The following MTSS1 variants were observed in gnomAD, a reference collection of about 807,000 sequenced individuals.
MTSS1 encodes the protein MTSS I-BAR domain containing 1.
MTSS1 carries 18 observed loss-of-function variants against 79.0 expected under a neutral mutation model. That is an observed-to-expected ratio of 0.23 (90% CI 0.16 to 0.34). The LOEUF is 0.34. Among genes scored for constraint, MTSS1 ranks in the 10% least tolerant of loss-of-function variants. MTSS1 has a pLI of 1.00. For synonymous variants in MTSS1, 341 were observed against 368.6 expected (o/e 0.93, Z 0.86); for missense variants, 815 against 986.2 (o/e 0.83, Z 2.33).
Position 124,703,288 on chromosome 8 carries a change from T to TTTA in MTSS1, c.134+839_134+841dup, listed in dbSNP as rs1165043627. 2.0e-5 allele frequency among the ~76,000 whole-genome samples: 3 copies of TTTA among 152,262 alleles called. No individual in the cohort carries two copies. In the East Asian group the frequency reaches 5.8e-4, roughly 29 times the overall value. Reference sequence around the variant, plus strand: ...TAGTCAACACAAGGTTTTATTTTATTTTATTATTATTATTTTCTTTTGAGG... The same window carrying TTTA: ...TAGTCAACACAAGGTTTTATTTTATTTTATTATTATTATTATTTTCTTTTGAGG... On this transcript the variant is annotated intron_variant, in intron 2 of 13. Transcript: ENST00000518547.
chr8:124,722,813 G>A (rs546491326), intron 1 of MTSS1, among the ~76,000 whole-genome samples: 1 of 152,130 alleles, frequency 6.6e-6, no homozygotes, highest in Non-Finnish European at 1.5e-5. Context: ...GGTTTTTGGG[G>A]TAAGTGTCCT....
At chr8:124,593,487 G>A (rs1404418547) in intron 3 of MTSS1, among the ~76,000 whole-genome samples, 3 of 152,308 alleles carry the variant, frequency 2.0e-5, no homozygotes, top group South Asian at 2.1e-4. Context: ...TGTTCACAGC[G>A]TCAAAAGACT....
chr8:124,663,285 G>A (rs537376316), intron 3 of MTSS1, among the ~76,000 whole-genome samples: 26 of 152,156 alleles, frequency 1.7e-4, no homozygotes, highest in African/African-American at 6.0e-4. Context: ...AGACACACAC[G>A]TCCACAGCCT....
chr8:124,715,515 C>T (rs1831808310), intron 1 of MTSS1, among the ~76,000 whole-genome samples: 1 of 152,104 alleles, frequency 6.6e-6, no homozygotes, highest in Non-Finnish European at 1.5e-5. Flanking sequence ...GCTTAGTGTG[C>T]TCTGCCATCT....
chr8:124,638,703 C>T (rs1466290180), intron 3 of MTSS1, among the ~76,000 whole-genome samples: 2 of 152,184 alleles, frequency 1.3e-5, no homozygotes, highest in African/African-American at 4.8e-5. Flanking sequence ...CATTTAATAA[C>T]CTAGGGGTCT....
intron 3 of MTSS1, among the ~76,000 whole-genome samples, chr8:124,672,166 T>C (rs1824340937): frequency 6.6e-6 from 1 of 152,152 alleles, no homozygotes; most frequent in Non-Finnish European, 1.5e-5. Context: ...AAAGACAGTG[T>C]TAACACATTA....
At chr8:124,635,494 G>A (rs181291776) in intron 3 of MTSS1, among the ~76,000 whole-genome samples, 266 of 152,310 alleles carry the variant, frequency 1.7e-3, no homozygotes, top group Middle Eastern at 3.4e-3. Context: ...TGTAATGCTT[G>A]ACACATCCCA....
At chr8:124,567,855 G>A (rs1381274114) in intron 7 of MTSS1, 3 of 1,477,064 alleles carry the variant, frequency 2.0e-6, no homozygotes, top group Non-Finnish European at 8.9e-7. Flanking sequence ...CAGAACGCCT[G>A]CAGTGCAAGT....
intron 3 of MTSS1, among the ~76,000 whole-genome samples, chr8:124,633,795 C>CA (rs1458160744): frequency 4.0e-5 from 6 of 149,970 alleles, no homozygotes; most frequent in African/African-American, 1.2e-4. Context: ...CCAACAACAA[C>CA]AAAAAAACCC....
In MTSS1 at chr8:124,597,958, G is replaced by A. The variant is rs1166288556; in HGVS notation, c.209-6723C>T. Among the ~76,000 whole-genome samples, 2 of 152,078 alleles carry A rather than the reference G, an allele frequency of 1.3e-5. No homozygotes were observed. Among genetic ancestry groups the A allele is most frequent in the Non-Finnish European group, 1.5e-5 (1 of 68,018 alleles). On this transcript the variant is annotated intron_variant, in intron 3 of 13. Coordinates refer to ENST00000518547, the MANE Select transcript of MTSS1 (RefSeq NM_014751.6). The surrounding 1 kb of genome is among the most constrained non-coding windows in gnomAD (Gnocchi z 4.6). ...CTCAGCCCTGCTGACATTTTGAACC[G>A]GATCATTTTTTGTTATCAATAATGA...
chr8:124,608,383 A>G lies in MTSS1; in HGVS notation c.209-17148T>C, dbSNP rs542467349. ...GACACAGGGGCTGACCACATGTCCC[A>G]TGGATGAGCACTGGAGCCAGGGTAA... On this transcript the variant is annotated intron_variant, in intron 3 of 13. Coordinates refer to ENST00000518547, the MANE Select transcript of MTSS1 (RefSeq NM_014751.6). Among the ~76,000 whole-genome samples the G allele has an allele frequency of 4.6e-5, 7 of 152,354 alleles. No homozygotes were observed. The East Asian group carries it at 1.2e-3, about 25-fold the overall frequency.
At chr8:124,596,162 C>A (rs1832722142) in intron 3 of MTSS1, among the ~76,000 whole-genome samples, 1 of 152,158 alleles carries the variant, frequency 6.6e-6, no homozygotes, top group African/African-American at 2.4e-5. Context: ...GGGCCTGGCA[C>A]CCCAGTTTTG....
chr8:124,689,790 C>A (rs898846524), intron 3 of MTSS1, among the ~76,000 whole-genome samples: 1 of 149,582 alleles, frequency 6.7e-6, no homozygotes, highest in African/African-American at 2.5e-5. Context: ...TCTGCATGAA[C>A]TAAAATAACT....
intron 3 of MTSS1, among the ~76,000 whole-genome samples, chr8:124,680,958 G>A (rs1223432405): frequency 6.6e-6 from 1 of 152,098 alleles, no homozygotes; most frequent in African/African-American, 2.4e-5. Flanking sequence ...TCTTTAGACC[G>A]CAGGAGAGGA....
chr8:124,563,642 T>G (rs1380464279), intron 9 of MTSS1, among the ~76,000 whole-genome samples: 1 of 152,268 alleles, frequency 6.6e-6, no homozygotes, highest in Non-Finnish European at 1.5e-5. Context: ...GTTTTTACTC[T>G]GACCCCAGCT....
Position 124,627,960 on chromosome 8 carries a change from A to G in MTSS1, c.209-36725T>C, listed in dbSNP as rs534304145. Among the ~76,000 whole-genome samples, 5 of 152,326 alleles carry G rather than the reference A, an allele frequency of 3.3e-5. 1 individual carries two copies. The highest frequency in any genetic ancestry group is 1.2e-4 in the African/African-American group (5 of 41,588). On this transcript the variant is annotated intron_variant, in intron 3 of 13. Transcript: ENST00000518547. The stretch of plus-strand genomic sequence containing the variant: ...GGTGGGCAGATTACTTGAGGTCAGG[A>G]GTTAGAGACCAGCCTGGCCAACAAG...
intron 13 of MTSS1, among the ~76,000 whole-genome samples, chr8:124,555,125 C>T (rs553520069): frequency 1.3e-4 from 20 of 152,350 alleles, no homozygotes; most frequent in Admixed American, 6.5e-4. Context: ...AGATTACAGG[C>T]GTAAGCCACT....
At chr8:124,668,391 T>A (rs1378313458) in intron 3 of MTSS1, among the ~76,000 whole-genome samples, 1 of 152,166 alleles carries the variant, frequency 6.6e-6, no homozygotes, top group South Asian at 2.1e-4. Flanking sequence ...CAGGTTTCCA[T>A]ACCTCAGCTC....
chr8:124,578,382 A>G (rs1437344883), intron 6 of MTSS1, among the ~76,000 whole-genome samples: 1 of 151,986 alleles, frequency 6.6e-6, no homozygotes, highest in Non-Finnish European at 1.5e-5. Context: ...CACCTTGAAT[A>G]TCCCCTCCTC....
Sources: allele counts gnomAD v4.1 joint callset (sites outside exome capture counted in the v4.1 genomes callset), GRCh38; gene constraint gnomAD v4.1.1; non-coding constraint Gnocchi (gnomAD v3.1); transcripts MANE v1.5; gene names NCBI Gene and HGNC (gene_info 2026-07-23, HGNC 2026-07-21).